EHBP1: variants seen among roughly 807,000 people sequenced by gnomAD.
The protein encoded by EHBP1 is EH domain binding protein 1.
Under a neutral mutation model 144.0 loss-of-function variants are expected in EHBP1, and 55 were observed. That is an observed-to-expected ratio of 0.38 (90% CI 0.31 to 0.48). The LOEUF (loss-of-function observed/expected upper bound fraction) is 0.48, where lower values mean the gene tolerates loss of function less well. EHBP1 is among the 20% of genes least tolerant of loss of function. EHBP1 has a pLI of 0.98. For missense variants in EHBP1, 1,200 were observed against 1,364.2 expected, an observed-to-expected ratio of 0.88 and a Z score of 1.90; for synonymous variants, 469 against 472.7, an observed-to-expected ratio of 0.99 and a Z score of 0.10.
chr2:63,011,485 G>A (rs1296291506), intron 19 of EHBP1, among the ~76,000 whole-genome samples: 1 of 151,898 alleles, frequency 6.6e-6, no homozygotes, highest in Non-Finnish European at 1.5e-5. Flanking sequence ...AAATCCAAGT[G>A]TAATGTGCTT....
intron 7 of EHBP1, among the ~76,000 whole-genome samples, chr2:62,845,349 A>G (rs1337124232): frequency 1.3e-5 from 2 of 152,154 alleles, no homozygotes; most frequent in Non-Finnish European, 2.9e-5. Context: ...CTTTTCCCAT[A>G]GTTGATAAAG....
chr2:62,908,589 C>T (rs1171387571), intron 10 of EHBP1, among the ~76,000 whole-genome samples: 1 of 151,916 alleles, frequency 6.6e-6, no homozygotes, highest in African/African-American at 2.4e-5. Flanking sequence ...ATTTTAGCTC[C>T]ACAGGTTTTG....
chr2:62,774,680 A>T (rs1486368355), intron 5 of EHBP1, among the ~76,000 whole-genome samples: 1 of 152,072 alleles, frequency 6.6e-6, no homozygotes, highest in Non-Finnish European at 1.5e-5. Context: ...CTCAGTCTAC[A>T]AAAAAATAAA....
At chr2:62,763,833 A>C (rs1380683012) in intron 3 of EHBP1, among the ~76,000 whole-genome samples, 1 of 152,208 alleles carries the variant, frequency 6.6e-6, no homozygotes, top group African/African-American at 2.4e-5. Flanking sequence ...ACTTAAATGC[A>C]AAGTTATACA....
intron 10 of EHBP1, among the ~76,000 whole-genome samples, chr2:62,875,825 G>T (rs1487155589): frequency 6.6e-6 from 1 of 152,098 alleles, no homozygotes; most frequent in Non-Finnish European, 1.5e-5. Context: ...TCACTAGAAG[G>T]ATTTCATAAT....
chr2:62,751,979 C>T (rs1573128048), intron 3 of EHBP1, among the ~76,000 whole-genome samples: 1 of 150,562 alleles, frequency 6.6e-6, no homozygotes, highest in African/African-American at 2.4e-5. Flanking sequence ...GTGTCTCTAT[C>T]TCCTTCAGTT....
chr2:62,706,927 A>C lies in EHBP1; in HGVS notation c.-265A>C, dbSNP rs769062629. On this transcript the variant is annotated 5_prime_UTR_variant, in exon 2 of 23. Coordinates refer to ENST00000431489, the MANE Select transcript of EHBP1 (RefSeq NM_001142616.3). ...CAGAATACCCATCATATAGCCCCTG[A>C]GGTGGCATGGTGATGTCTCCATGAG... The C allele has an allele frequency of 2.6e-6, 1 of 383,340 alleles. No individual in the cohort carries two copies. Among genetic ancestry groups the C allele is most frequent in the Non-Finnish European group, 4.8e-6 (1 of 207,454 alleles). The allele number at this position is 383,340 out of a possible 1,614,324, so 23.7% of individuals were successfully genotyped here. A position where few individuals can be genotyped will look rare whatever the true frequency, so the allele number is the denominator to read the frequency against.
At chr2:62,741,886 G>A (rs1457621681) in intron 2 of EHBP1, among the ~76,000 whole-genome samples, 1 of 152,134 alleles carries the variant, frequency 6.6e-6, no homozygotes, top group Non-Finnish European at 1.5e-5. Flanking sequence ...GTAATCTAGA[G>A]ATGATTTAAA....
At chr2:62,955,473 C>A in intron 13 of EHBP1, 44 bp from the exon 14 acceptor site, 2 of 1,563,756 alleles carry the variant, frequency 1.3e-6, no homozygotes, top group South Asian at 1.2e-5. Context: ...ATGTAGATTA[C>A]CCGTTTTTTT....
At chr2:62,783,129 T>C (rs771462275) in intron 5 of EHBP1, among the ~76,000 whole-genome samples, 1 of 152,116 alleles carries the variant, frequency 6.6e-6, no homozygotes, top group Non-Finnish European at 1.5e-5. Context: ...TCCAAAATGA[T>C]CTCCTTTGAT....
intron 15 of EHBP1, among the ~76,000 whole-genome samples, chr2:62,983,085 A>G (rs921614857): frequency 1.2e-4 from 18 of 152,176 alleles, no homozygotes; most frequent in Non-Finnish European, 1.3e-4. Context: ...AAAACCAGGT[A>G]GTGTATTACA....
At chr2:62,892,587 A>G (rs1438682491) in intron 10 of EHBP1, among the ~76,000 whole-genome samples, 2 of 152,088 alleles carry the variant, frequency 1.3e-5, no homozygotes, top group East Asian at 1.9e-4. Context: ...TATTCTTATT[A>G]TATATTTCTT....
Position 62,949,118 on chromosome 2 carries a change from A to G in EHBP1, c.2272A>G (p.Arg758Gly), listed in dbSNP as rs924297516. The change falls in exon 13 of 23, where the codon AGA (arginine) becomes GGA (glycine). Residue 758 changes from arginine (R) to glycine (G), a missense_variant. Physicochemically the swap from Arg to Gly is moderately radical, Grantham distance 125. Coordinates refer to ENST00000431489, the MANE Select transcript of EHBP1 (RefSeq NM_001142616.3). ...RQTESDPDAD[R>G]TTLNHADHSS... ...GACGGAGTCTGATCCAGATGCTGAT[A>G]GAACCACTTTAAATCATGCAGATCA... The G allele has an allele frequency of 2.5e-6, 4 of 1,583,284 alleles. No individual in the cohort carries two copies. The African/African-American group carries it at 5.5e-5, about 22-fold the overall frequency.
At chr2:62,761,250 A>G (rs1039401335) in intron 3 of EHBP1, among the ~76,000 whole-genome samples, 2 of 152,124 alleles carry the variant, frequency 1.3e-5, no homozygotes, top group African/African-American at 4.8e-5. Flanking sequence ...GACTAGAGAA[A>G]TCTCTGGAGA....
chr2:62,697,908 A>G (rs922877457), intron 1 of EHBP1, among the ~76,000 whole-genome samples: 1 of 152,258 alleles, frequency 6.6e-6, no homozygotes, highest in Non-Finnish European at 1.5e-5. Flanking sequence ...ATACATCCAT[A>G]GCATACAATG....
At chr2:62,980,951 G>T (rs897163695) in intron 15 of EHBP1, among the ~76,000 whole-genome samples, 1 of 146,872 alleles carries the variant, frequency 6.8e-6, no homozygotes, top group Non-Finnish European at 1.5e-5. Context: ...CACACCTGCA[G>T]TCCCACCTAC....
At chr2:62,858,378 A>G (rs540991889) in intron 7 of EHBP1, 17 of 1,482,144 alleles carry the variant, frequency 1.1e-5, no homozygotes, top group Admixed American at 5.1e-5. Flanking sequence ...CTTACCTTAT[A>G]TTTGTCTTGA....
chr2:62,977,534 T>C (rs1314509048), intron 14 of EHBP1, among the ~76,000 whole-genome samples: 1 of 152,170 alleles, frequency 6.6e-6, no homozygotes, highest in Non-Finnish European at 1.5e-5. Flanking sequence ...CCAAAAATGT[T>C]CTCTTTTTTC....
At chr2:63,003,356 A>G (rs1191226705) in intron 19 of EHBP1, among the ~76,000 whole-genome samples, 3 of 152,098 alleles carry the variant, frequency 2.0e-5, no homozygotes, top group Non-Finnish European at 4.4e-5. Flanking sequence ...CACATTTTTT[A>G]TTACGTAGTC....
Sources: gnomAD v4.1 joint callset for allele counts (sites outside exome capture counted in the v4.1 genomes callset) on GRCh38, gnomAD v4.1.1 for gene constraint, MANE v1.5 for transcripts, NCBI Gene and HGNC (gene_info 2026-07-23, HGNC 2026-07-21) for gene names.